MSI2: variants seen among roughly 807,000 people sequenced by gnomAD.
The protein encoded by MSI2 is musashi RNA binding protein 2, also known as RNA-binding protein Musashi homolog 2.
In MSI2, 17 loss-of-function variants were observed where a neutral mutation model predicts 45.6. That is an observed-to-expected ratio of 0.37 (90% CI 0.26 to 0.56). The LOEUF (loss-of-function observed/expected upper bound fraction) is 0.56. MSI2 is among the 20% of genes least tolerant of loss of function. MSI2 has a pLI of 0.77. For missense variants in MSI2, 293 were observed against 444.2 expected (o/e 0.66, Z 3.06); for synonymous variants, 156 against 158.2 (o/e 0.99, Z 0.11).
chr17:57,400,033 G>A (rs1193320236), intron 5 of MSI2, among the ~76,000 whole-genome samples: 4 of 152,190 alleles, frequency 2.6e-5, no homozygotes, highest in African/African-American at 9.7e-5. Flanking sequence ...ACATCACATC[G>A]AGTTGCAGTA....
intron 6 of MSI2, among the ~76,000 whole-genome samples, chr17:57,416,236 GTTGT>G (rs1012474914): frequency 1.3e-5 from 2 of 152,194 alleles, no homozygotes; most frequent in Admixed American, 6.5e-5. Flanking sequence ...TTTGTAGGGG[GTTGT>G]TTGTTTGCAA....
chr17:57,473,112 T>G (rs2085471664), intron 6 of MSI2, among the ~76,000 whole-genome samples: 1 of 152,174 alleles, frequency 6.6e-6, no homozygotes. Flanking sequence ...AGGCTGGTCT[T>G]GAACTTCTGA....
At chr17:57,665,934 G>T (rs947756428) in intron 11 of MSI2, among the ~76,000 whole-genome samples, 6 of 152,210 alleles carry the variant, frequency 3.9e-5, no homozygotes, top group Non-Finnish European at 7.3e-5. Context: ...GGGTGGCCTA[G>T]TCCTCAGGAG....
intron 6 of MSI2, among the ~76,000 whole-genome samples, chr17:57,416,507 G>A (rs982821040): frequency 6.6e-6 from 1 of 152,198 alleles, no homozygotes; most frequent in Admixed American, 6.5e-5. Flanking sequence ...CAAAAGGCCT[G>A]TTCTGATAGA....
At chr17:57,291,073 TC>T (rs1258847394) in intron 5 of MSI2, among the ~76,000 whole-genome samples, 1 of 152,136 alleles carries the variant, frequency 6.6e-6, no homozygotes, top group East Asian at 1.9e-4. Flanking sequence ...CCATGGAGTG[TC>T]CCTGTTTTTC....
chr17:57,600,942 G>A (rs1205876983), intron 8 of MSI2: 1 of 152,260 alleles, frequency 6.6e-6, no homozygotes, highest in Non-Finnish European at 1.5e-5. Context: ...TAAGCAGTTT[G>A]CCCAAGGTCA....
intron 5 of MSI2, chr17:57,265,602 G>A (rs530208111): frequency 6.6e-6 from 1 of 152,320 alleles, no homozygotes; most frequent in East Asian, 1.9e-4. Flanking sequence ...ATCCCCCTTT[G>A]CGATGTAAAT....
At chr17:57,677,854 G>T (rs543423221) in intron 13 of MSI2, among the ~76,000 whole-genome samples, 1 of 152,330 alleles carries the variant, frequency 6.6e-6, no homozygotes, top group Non-Finnish European at 1.5e-5. Flanking sequence ...CTTTGGAAAT[G>T]AGTATCTGTC....
Position 57,537,981 on chromosome 17 carries a change from C to T in MSI2, c.454+8257C>T, listed in dbSNP as rs115956416. On this transcript the variant is annotated intron_variant, in intron 7 of 13. Coordinates refer to ENST00000284073, the MANE Select transcript of MSI2 (RefSeq NM_138962.4). ...TCCTGCCTCCCCCTGCTGTGGCCCA[C>T]GGAAGCAGAAAGGGAGTGGGCTCAG... Among the ~76,000 whole-genome samples, 793 of 152,250 alleles carry T rather than the reference C, an allele frequency of 5.2e-3. 10 individuals are homozygous for T. Among genetic ancestry groups the T allele is most frequent in the African/African-American group, 0.017 (717 of 41,526 alleles).
At chr17:57,637,946 C>T (rs1909964625) in intron 10 of MSI2, among the ~76,000 whole-genome samples, 1 of 152,218 alleles carries the variant, frequency 6.6e-6, no homozygotes, top group Non-Finnish European at 1.5e-5. Flanking sequence ...ACCAGCCTTG[C>T]AAAGTCCCCA....
intron 10 of MSI2, among the ~76,000 whole-genome samples, chr17:57,635,181 A>T (rs1278417381): frequency 6.6e-6 from 1 of 152,252 alleles, no homozygotes; most frequent in Non-Finnish European, 1.5e-5. Context: ...TTGCAGAAGC[A>T]TCTTGGGTGG....
intron 4 of MSI2, among the ~76,000 whole-genome samples, chr17:57,260,577 A>G (rs1907215747): frequency 6.6e-6 from 1 of 152,140 alleles, no homozygotes. Context: ...GAAAATCCAC[A>G]CCTGTTGTAT....
chr17:57,491,869 A>G (rs1214001731), intron 6 of MSI2, among the ~76,000 whole-genome samples: 1 of 152,114 alleles, frequency 6.6e-6, no homozygotes, highest in Non-Finnish European at 1.5e-5. Context: ...TCCTCCCTGG[A>G]TGATGAATCC....
intron 11 of MSI2, among the ~76,000 whole-genome samples, chr17:57,657,204 C>T (rs928131967): frequency 2.6e-5 from 4 of 152,128 alleles, no homozygotes; most frequent in African/African-American, 9.7e-5. Context: ...GTGGCAGAAT[C>T]GGAATGAACA....
intron 5 of MSI2, among the ~76,000 whole-genome samples, chr17:57,334,071 C>A (rs1202136868): frequency 6.6e-6 from 1 of 152,202 alleles, no homozygotes; most frequent in Non-Finnish European, 1.5e-5. Flanking sequence ...TGTCCTTCCC[C>A]CATCCCCAAC....
At chr17:57,592,558 A>T (rs1463729918) in intron 7 of MSI2, among the ~76,000 whole-genome samples, 1 of 152,240 alleles carries the variant, frequency 6.6e-6, no homozygotes, top group East Asian at 1.9e-4. Flanking sequence ...TTGAAATGAT[A>T]TAGGTCTTTA....
chr17:57,694,590 G>A, the MSI2 span, among the ~76,000 whole-genome samples: 1 of 152,010 alleles, frequency 6.6e-6, no homozygotes, highest in South Asian at 2.1e-4. Flanking sequence ...CCACTTTTTG[G>A]CAAAATACCT....
At chr17:57,643,763 C>A (rs1910432489) in intron 10 of MSI2, among the ~76,000 whole-genome samples, 1 of 152,236 alleles carries the variant, frequency 6.6e-6, no homozygotes, top group Admixed American at 6.5e-5. Context: ...ACATACATAT[C>A]TTTTTTAAAA....
chr17:57,483,754 A>G (rs1436788507), intron 6 of MSI2, among the ~76,000 whole-genome samples: 1 of 152,168 alleles, frequency 6.6e-6, no homozygotes, highest in African/African-American at 2.4e-5. Flanking sequence ...CTGGTACAGG[A>G]AGGCACCTTT....
Sources: allele counts gnomAD v4.1 joint callset (sites outside exome capture counted in the v4.1 genomes callset), GRCh38; gene constraint gnomAD v4.1.1; transcripts MANE v1.5; gene names NCBI Gene and HGNC (gene_info 2026-07-23, HGNC 2026-07-21).